Variants in TMEM51 observed in about 807,000 individuals in gnomAD.
TMEM51 encodes the protein transmembrane protein 51.
TMEM51 carries 8 observed loss-of-function variants against 13.6 expected under a neutral mutation model. The ratio of observed to expected loss-of-function variants is 0.59; its 90% CI spans 0.35 to 1.07. The LOEUF (loss-of-function observed/expected upper bound fraction) is 1.07, where lower values mean the gene tolerates loss of function less well. Among genes scored for constraint, TMEM51 ranks in the 50% least tolerant of loss-of-function variants. The pLI, the probability that TMEM51 is intolerant of heterozygous loss-of-function variation, is 0.02. For synonymous variants in TMEM51, 147 were observed against 144.4 expected (o/e 1.02, Z -0.13); for missense variants, 279 against 330.7 (o/e 0.84, Z 1.21).
intron 2 of TMEM51, among the ~76,000 whole-genome samples, chr1:15,213,525 G>T (rs1437637381): frequency 6.6e-6 from 1 of 152,198 alleles, no homozygotes; most frequent in African/African-American, 2.4e-5. Context: ...GGTTTAGCAA[G>T]GGGCATTGCT....
chr1:15,209,286 A>G (rs551322412), intron 1 of TMEM51, among the ~76,000 whole-genome samples: 150 of 151,474 alleles, frequency 9.9e-4, no homozygotes, highest in African/African-American at 3.3e-3. Context: ...TTGTAGAGAC[A>G]TGGTCTCACT....
chr1:15,159,748 G>A (rs1489754149), intron 1 of TMEM51, among the ~76,000 whole-genome samples: 1 of 152,138 alleles, frequency 6.6e-6, no homozygotes. Context: ...GTAGCGATGG[G>A]ATTTCACCAT....
intron 1 of TMEM51, among the ~76,000 whole-genome samples, chr1:15,156,144 G>A (rs1642584050): frequency 6.6e-6 from 1 of 152,188 alleles, no homozygotes; most frequent in African/African-American, 2.4e-5. Context: ...TCCCCTGCCA[G>A]AGAGAAGTAG....
intron 2 of TMEM51, among the ~76,000 whole-genome samples, chr1:15,211,853 G>A (rs561305125): frequency 3.1e-5 from 4 of 128,908 alleles, no homozygotes; most frequent in Admixed American, 1.0e-4. Context: ...TTTTACATAC[G>A]TGTGTATATA....
At chr1:15,215,905 T>C (rs1452425053) in intron 3 of TMEM51, among the ~76,000 whole-genome samples, 1 of 152,128 alleles carries the variant, frequency 6.6e-6, no homozygotes, top group Non-Finnish European at 1.5e-5. Context: ...CACATGCCTG[T>C]AGTCCCAGCT....
At chr1:15,200,981 G>A (rs77886494) in intron 1 of TMEM51, among the ~76,000 whole-genome samples, 7,439 of 152,248 alleles carry the variant, frequency 0.049, 385 homozygotes, top group East Asian at 0.29. Context: ...AGTGGAGTGT[G>A]CCACAGGTGC....
chr1:15,212,803 T>C (rs906700367), intron 2 of TMEM51, among the ~76,000 whole-genome samples: 2 of 152,256 alleles, frequency 1.3e-5, no homozygotes, highest in African/African-American at 4.8e-5. Flanking sequence ...TACCTGTTCA[T>C]ATTCCATACA....
chr1:15,207,190 C>G lies in TMEM51; in HGVS notation c.-266-3300C>G, dbSNP rs1020202852. 7.2e-5 allele frequency among the ~76,000 whole-genome samples: 11 copies of G among 152,294 alleles called. No individual in the cohort carries two copies. The highest frequency in any genetic ancestry group is 3.4e-3 in the Middle Eastern group (1 of 294). On this transcript the variant is annotated intron_variant, in intron 1 of 3. Coordinates refer to ENST00000376008, the MANE Select transcript of TMEM51 (RefSeq NM_001136218.2). This position sits in a 1 kb window ranked among gnomAD's most constrained non-coding sequence, Gnocchi z 4.6. The stretch of plus-strand genomic sequence containing the variant: ...GTGCAGGGAGAATGCTCAAGGAGCC[C>G]CTCTGTCATGGGGGTTGGTAGCACC...
At chr1:15,195,329 A>G (rs1376124480) in intron 1 of TMEM51, among the ~76,000 whole-genome samples, 2 of 152,198 alleles carry the variant, frequency 1.3e-5, no homozygotes, top group Non-Finnish European at 2.9e-5. Flanking sequence ...TTTACTTGAT[A>G]TATCCAAAAT....
At chr1:15,185,232 T>C (rs995844445) in intron 1 of TMEM51, among the ~76,000 whole-genome samples, 5 of 152,248 alleles carry the variant, frequency 3.3e-5, no homozygotes, top group Non-Finnish European at 7.3e-5. Flanking sequence ...AAATCTGTTC[T>C]ATTCCTACCC....
intron 1 of TMEM51, among the ~76,000 whole-genome samples, chr1:15,197,030 T>G (rs1247668773): frequency 6.6e-6 from 1 of 152,250 alleles, no homozygotes; most frequent in African/African-American, 2.4e-5. Flanking sequence ...ACTCACTCCC[T>G]GCCGTTTGGT....
At chr1:15,189,235 T>TA (rs1553201059) in intron 1 of TMEM51, among the ~76,000 whole-genome samples, 1 of 147,774 alleles carries the variant, frequency 6.8e-6, no homozygotes, top group East Asian at 2.0e-4. Context: ...TTTTTTTTTT[T>TA]AGTAGAGACA....
intron 1 of TMEM51, among the ~76,000 whole-genome samples, chr1:15,208,095 C>T (rs761857063): frequency 2.8e-4 from 43 of 152,142 alleles, no homozygotes; most frequent in Non-Finnish European, 5.7e-4. Flanking sequence ...AGACAAGAAC[C>T]GTGTTTCAGA....
intron 1 of TMEM51, among the ~76,000 whole-genome samples, chr1:15,154,406 C>T (rs1642514682): frequency 6.6e-6 from 1 of 152,166 alleles, no homozygotes; most frequent in Non-Finnish European, 1.5e-5. Flanking sequence ...GATTTAGATT[C>T]GTGTGTGTGT....
Position 15,161,459 on chromosome 1 carries a change from C to T in TMEM51, c.-267+7505C>T, listed in dbSNP as rs1468339112. On this transcript the variant is annotated intron_variant, in intron 1 of 3. Coordinates refer to ENST00000376008, the MANE Select transcript of TMEM51 (RefSeq NM_001136218.2). The surrounding 1 kb of genome is among the most constrained non-coding windows in gnomAD (Gnocchi z 4.0). ...AGCAGAGGTTGCAGTGAGCCGAGAT[C>T]GTGCCACTGAACTCCAGCCTGGGCA... is the stretch of plus-strand genomic sequence containing the variant. Among the ~76,000 whole-genome samples the T allele has an allele frequency of 6.6e-6, 1 of 151,108 alleles. No individual in the cohort carries two copies. Among genetic ancestry groups the T allele is most frequent in the East Asian group, 2.0e-4 (1 of 5,098 alleles).
intron 1 of TMEM51, chr1:15,192,070 G>A (rs1341980044): frequency 9.7e-6 from 5 of 512,936 alleles, no homozygotes; most frequent in African/African-American, 3.9e-5. Context: ...AGAAGTGGCC[G>A]GAGCAGACCT....
intron 2 of TMEM51, among the ~76,000 whole-genome samples, chr1:15,211,836 CCG>C (rs1391980858): frequency 1.9e-5 from 2 of 104,862 alleles, no homozygotes; most frequent in Non-Finnish European, 4.1e-5. Context: ...CCCCCCCCCC[CCG>C]GGATTTTTAC....
chr1:15,172,387 C>G (rs76864700), intron 1 of TMEM51, among the ~76,000 whole-genome samples: 1 of 75,220 alleles, frequency 1.3e-5, no homozygotes, highest in Non-Finnish European at 2.4e-5. Context: ...GACCCTGTCT[C>G]AAAAAAAAAA....
Position 15,218,387 on chromosome 1 carries a change from C to T in TMEM51, c.345-939C>T, listed in dbSNP as rs992419143. On this transcript the variant is annotated intron_variant, in intron 3 of 3. Transcript: ENST00000376008. ...TTGGAATAGCTCACGCAGCATGTCGCTAAGTGGGAAAGGCTTAAAGGCAAA... is the reference window on the plus strand; with the variant it reads ...TTGGAATAGCTCACGCAGCATGTCGTTAAGTGGGAAAGGCTTAAAGGCAAA... Among the ~76,000 whole-genome samples the T allele has an allele frequency of 2.6e-5, 4 of 152,160 alleles. 1 individual carries two copies. In the South Asian group the frequency reaches 8.3e-4, roughly 32 times the overall value.
Sources: gnomAD v4.1 joint callset for allele counts (sites outside exome capture counted in the v4.1 genomes callset) on GRCh38, gnomAD v4.1.1 for gene constraint, Gnocchi (gnomAD v3.1) non-coding constraint, MANE v1.5 for transcripts, NCBI Gene and HGNC (gene_info 2026-07-23, HGNC 2026-07-21) for gene names.